PDE1A: variants seen among roughly 807,000 people sequenced by gnomAD.
PDE1A encodes phosphodiesterase 1A, also known as dual specificity calcium/calmodulin-dependent 3',5'-cyclic nucleotide phosphodiesterase 1A.
A neutral mutation model predicts 61.7 loss-of-function variants in PDE1A; 35 were observed. That is an observed-to-expected ratio of 0.57 (90% confidence interval 0.43 to 0.75). The LOEUF (loss-of-function observed/expected upper bound fraction) is 0.75. Among genes scored for constraint, PDE1A ranks in the 30% least tolerant of loss-of-function variants. PDE1A has a pLI of 0.00. For synonymous variants in PDE1A, 232 were observed against 213.2 expected (o/e 1.09, Z -0.77); for missense variants, 597 against 630.6 (o/e 0.95, Z 0.57).
At chr2:182,359,521 A>G (rs1365598496) in intron 1 of PDE1A, among the ~76,000 whole-genome samples, 2 of 152,146 alleles carry the variant, frequency 1.3e-5, no homozygotes, top group African/African-American at 4.8e-5. Flanking sequence ...AAGAATTTGG[A>G]TGCCTAAGTA....
rs557957021 is a variant in PDE1A, at chr2:182,381,173, C to CT, written c.53+45404dup. ...TTTTCTCTTTCTTCATGAATGTGTA[C>CT]TTTTTTTTTTTTTTACATTTCTCAG... On this transcript the variant is annotated intron_variant, in intron 1 of 13. Coordinates refer to ENST00000351439, the Ensembl canonical transcript of PDE1A. Among the ~76,000 whole-genome samples, 758 of 143,162 alleles carry CT rather than the reference C, an allele frequency of 5.3e-3. 3 individuals are homozygous for CT. Among genetic ancestry groups the CT allele is most frequent in the African/African-American group, 0.013 (523 of 39,138 alleles). The allele number at this position is 143,162 out of a possible 152,430, so 93.9% of individuals were successfully genotyped here. A position where few individuals can be genotyped will look rare whatever the true frequency, so the allele number is the denominator to read the frequency against.
chr2:182,205,718 A>T (rs1687046117), intron 8 of PDE1A, among the ~76,000 whole-genome samples: 1 of 152,192 alleles, frequency 6.6e-6, no homozygotes. Flanking sequence ...ATTCAGACAT[A>T]TGGATGTTGA....
chr2:182,245,434 GTCT>G (rs1690872787), intron 2 of PDE1A, among the ~76,000 whole-genome samples: 1 of 152,088 alleles, frequency 6.6e-6, no homozygotes, highest in Non-Finnish European at 1.5e-5. Context: ...AATGACATAT[GTCT>G]ACCATTACAG....
the PDE1A span, among the ~76,000 whole-genome samples, chr2:182,672,620 G>A: frequency 1.3e-5 from 2 of 152,234 alleles, no homozygotes; most frequent in African/African-American, 2.4e-5. Flanking sequence ...TTGGCTGGAA[G>A]CCATCAAAAA....
chr2:182,271,989 C>T (rs976575321), intron 1 of PDE1A, among the ~76,000 whole-genome samples: 2 of 151,976 alleles, frequency 1.3e-5, no homozygotes, highest in South Asian at 2.1e-4. Flanking sequence ...GAAATTAACA[C>T]TAATAATTTA....
chr2:182,313,506 T>G (rs1696131393), intron 1 of PDE1A, among the ~76,000 whole-genome samples: 1 of 152,274 alleles, frequency 6.6e-6, no homozygotes, highest in Non-Finnish European at 1.5e-5. Context: ...AGATTTTTCT[T>G]TCTTTTTCTG....
chr2:182,497,902 C>T (rs1431891840), intron 2 of PDE1A, among the ~76,000 whole-genome samples: 4 of 151,912 alleles, frequency 2.6e-5, no homozygotes, highest in South Asian at 4.2e-4. Context: ...AAAAATCAGC[C>T]GGGCGTGGTG....
At chr2:182,357,803 A>G (rs1429987652) in intron 1 of PDE1A, among the ~76,000 whole-genome samples, 1 of 152,230 alleles carries the variant, frequency 6.6e-6, no homozygotes, top group African/African-American at 2.4e-5. Flanking sequence ...ATTTTAATTT[A>G]AATTGCTCCA....
chr2:182,540,944 C>T, the PDE1A span, among the ~76,000 whole-genome samples: 2,942 of 152,124 alleles, frequency 0.019, 47 homozygotes, highest in South Asian at 0.033. Flanking sequence ...TATGCTTATT[C>T]CATGCAAGAA....
the PDE1A span, among the ~76,000 whole-genome samples, chr2:182,552,781 C>A: frequency 6.6e-6 from 1 of 152,196 alleles, no homozygotes; most frequent in Non-Finnish European, 1.5e-5. Context: ...ATGGCTACCC[C>A]CTTTGGACCC....
At chr2:182,469,361 C>A (rs1686880131) in intron 2 of PDE1A, among the ~76,000 whole-genome samples, 1 of 151,952 alleles carries the variant, frequency 6.6e-6, no homozygotes, top group Non-Finnish European at 1.5e-5. Context: ...AGGAAGACAG[C>A]TTCTTTCCTT....
exon 15 of PDE1A, chr2:182,140,261 T>C (rs1327499662): frequency 1.3e-5 from 2 of 152,326 alleles, no homozygotes; most frequent in East Asian, 3.9e-4. Context: ...AGAGGAAATA[T>C]TGCCATATGC....
chr2:182,265,771 A>G (rs1325588913), intron 1 of PDE1A, among the ~76,000 whole-genome samples: 1 of 152,156 alleles, frequency 6.6e-6, no homozygotes, highest in Non-Finnish European at 1.5e-5. Context: ...TACAAAAGGA[A>G]CATATTCCTT....
upstream of PDE1A, among the ~76,000 whole-genome samples, chr2:182,427,561 T>A (rs1419576055): frequency 6.6e-6 from 1 of 152,036 alleles, no homozygotes; most frequent in African/African-American, 2.4e-5. Flanking sequence ...CCTGGGAGCC[T>A]ATGGTTTATA....
At chr2:182,204,779 G>C (rs1367979943) in intron 8 of PDE1A, among the ~76,000 whole-genome samples, 1 of 152,134 alleles carries the variant, frequency 6.6e-6, no homozygotes, top group Admixed American at 6.5e-5. Flanking sequence ...CAGTTGAATG[G>C]GGGTGCCCCA....
the PDE1A span, among the ~76,000 whole-genome samples, chr2:182,612,456 T>G: frequency 3.6e-4 from 55 of 152,328 alleles, no homozygotes; most frequent in Non-Finnish European, 5.7e-4. Flanking sequence ...CAGTAGAAAT[T>G]TATTTGGGTT....
chr2:182,297,612 C>T (rs1040788177), intron 1 of PDE1A, among the ~76,000 whole-genome samples: 1 of 152,212 alleles, frequency 6.6e-6, no homozygotes, highest in Non-Finnish European at 1.5e-5. Context: ...TTAGATGTCA[C>T]TTATAAAAGA....
chr2:182,603,039 C>A, the PDE1A span, among the ~76,000 whole-genome samples: 5 of 122,778 alleles, frequency 4.1e-5, no homozygotes, highest in Non-Finnish European at 5.0e-5. Context: ...ACATACATAC[C>A]AGTTTGGTGG....
chr2:182,681,173 G>A, the PDE1A span, among the ~76,000 whole-genome samples: 1 of 145,866 alleles, frequency 6.9e-6, no homozygotes, highest in South Asian at 2.2e-4. Flanking sequence ...TTTTTTTTGT[G>A]CCTTTGAGAT....
Sources: gnomAD v4.1 joint callset for allele counts (sites outside exome capture counted in the v4.1 genomes callset) on GRCh38, gnomAD v4.1.1 for gene constraint, MANE v1.5 for transcripts, NCBI Gene and HGNC (gene_info 2026-07-23, HGNC 2026-07-21) for gene names.